MYBPC1: variants seen among roughly 807,000 people sequenced by gnomAD.
MYBPC1 encodes the protein myosin-binding protein C, slow-type.
MYBPC1 carries 52 observed loss-of-function variants against 147.1 expected under a neutral mutation model. That is an observed-to-expected ratio of 0.35 (90% CI 0.28 to 0.45). MYBPC1 has a LOEUF of 0.45. Among genes scored for constraint, MYBPC1 ranks in the 20% least tolerant of loss-of-function variants. MYBPC1 has a pLI of 1.00. For synonymous variants in MYBPC1, 477 were observed against 475.9 expected, an observed-to-expected ratio of 1.00 and a Z score of -0.03; for missense variants, 1,228 against 1,440.3, an observed-to-expected ratio of 0.85 and a Z score of 2.39.
downstream of MYBPC1, among the ~76,000 whole-genome samples, chr12:101,689,582 G>T (rs944240956): frequency 6.6e-6 from 1 of 152,026 alleles, no homozygotes; most frequent in Non-Finnish European, 1.5e-5. Context: ...AAAGAAGAGA[G>T]ACGGAAGGAA....
chr12:101,595,145 A>G (rs1270788916), intron 1 of MYBPC1, 50 bp downstream of exon 1: 1 of 1,477,158 alleles, frequency 6.8e-7, no homozygotes, highest in South Asian at 1.1e-5. Flanking sequence ...TAAAGTGTTT[A>G]TTTTGGTATT....
chr12:101,633,149 G>C (rs995112303), intron 8 of MYBPC1, among the ~76,000 whole-genome samples: 1 of 152,088 alleles, frequency 6.6e-6, no homozygotes, highest in Non-Finnish European at 1.5e-5. Context: ...GTCTTTAGCC[G>C]TGGTCACTAT....
At chr12:101,654,980 A>G (rs1895282103) in intron 18 of MYBPC1, among the ~76,000 whole-genome samples, 1 of 152,258 alleles carries the variant, frequency 6.6e-6, no homozygotes, top group South Asian at 2.1e-4. Context: ...ATACAAAAAT[A>G]TCAAGCACCC....
chr12:101,669,940 G>C (rs10860765), intron 23 of MYBPC1: 1 of 181,660 alleles, frequency 5.5e-6, no homozygotes, highest in African/African-American at 3.6e-5. Flanking sequence ...AAAAAAAAAA[G>C]AAAAAAAAAA....
chr12:101,662,236 A>G (rs894618841), intron 20 of MYBPC1, 122 bp from the exon 21 acceptor site: 111 of 776,898 alleles, frequency 1.4e-4, no homozygotes, highest in Non-Finnish European at 2.1e-4. Context: ...ATTTACATAC[A>G]TATATGACTA....
intron 11 of MYBPC1, among the ~76,000 whole-genome samples, chr12:101,642,824 A>G (rs1207319886): frequency 6.6e-6 from 1 of 152,128 alleles, no homozygotes; most frequent in African/African-American, 2.4e-5. Flanking sequence ...GGTTACTGGG[A>G]ATTTCTCAGC....
rs147483456 is a variant in MYBPC1 at position 101,642,899 on chromosome 12, A to G, written c.832+314A>G. Among the ~76,000 whole-genome samples the G allele has an allele frequency of 3.3e-3, 503 of 152,280 alleles. 2 individuals are homozygous for G. Among genetic ancestry groups the G allele is most frequent in the Non-Finnish European group, 5.0e-3 (339 of 68,022 alleles). ...AAATTATTGATTTTTACTTAAGCAG[A>G]GTGGACTCTTTCACCATCCTTTTCT... On this transcript the variant is annotated intron_variant, in intron 11 of 31. Coordinates refer to ENST00000361466, the MANE Select transcript of MYBPC1 (RefSeq NM_002465.4).
At chr12:101,599,974 C>G (rs375533235) in intron 1 of MYBPC1, among the ~76,000 whole-genome samples, 1 of 152,182 alleles carries the variant, frequency 6.6e-6, no homozygotes, top group Non-Finnish European at 1.5e-5. Context: ...TTTATGACTG[C>G]TCCGACTGCA....
intron 4 of MYBPC1, 96 bp downstream of exon 4, chr12:101,627,006 T>A: frequency 2.5e-6 from 3 of 1,180,556 alleles, no homozygotes; most frequent in Non-Finnish European, 3.8e-6. Flanking sequence ...GCTGAGTCAG[T>A]GCACAGAGCA....
chr12:101,660,981 T>A (rs2136438175), intron 19 of MYBPC1, among the ~76,000 whole-genome samples, 177 bp from the exon 20 acceptor site: 1 of 152,272 alleles, frequency 6.6e-6, no homozygotes, highest in East Asian at 1.9e-4. Flanking sequence ...CAGTTCAAGA[T>A]GAGATTTGGA....
downstream of MYBPC1, among the ~76,000 whole-genome samples, chr12:101,690,292 C>T (rs1951395212): frequency 6.6e-6 from 1 of 152,220 alleles, no homozygotes; most frequent in South Asian, 2.1e-4. Flanking sequence ...AGGCCATGCT[C>T]CAGACTCTCT....
intron 23 of MYBPC1, among the ~76,000 whole-genome samples, chr12:101,668,793 A>G (rs1897987434): frequency 6.6e-6 from 1 of 152,152 alleles, no homozygotes; most frequent in Non-Finnish European, 1.5e-5. Context: ...AAGCATAAAA[A>G]TAATTAATTT....
At chr12:101,620,384 T>C (rs1887104155) in intron 3 of MYBPC1, among the ~76,000 whole-genome samples, 2 of 152,196 alleles carry the variant, frequency 1.3e-5, no homozygotes, top group African/African-American at 4.8e-5. Flanking sequence ...CTAGCACGTA[T>C]TTATTCAGCA....
chr12:101,634,911 T>C (rs1181100988), intron 9 of MYBPC1, among the ~76,000 whole-genome samples: 2 of 152,196 alleles, frequency 1.3e-5, no homozygotes, highest in African/African-American at 4.8e-5. Context: ...AGCATTACTT[T>C]CCACCAAATG....
At chr12:101,686,769 G>A (rs77645232), downstream of MYBPC1, among the ~76,000 whole-genome samples, 3,643 of 152,208 alleles carry the variant, frequency 0.024, 67 homozygotes, top group Non-Finnish European at 0.038. Context: ...TTTTAGCTGG[G>A]AAGTTCTATG....
chr12:101,602,548 T>C (rs1323631397), intron 1 of MYBPC1, among the ~76,000 whole-genome samples: 1 of 152,126 alleles, frequency 6.6e-6, no homozygotes, highest in African/African-American at 2.4e-5. Flanking sequence ...GCCTAACATA[T>C]GGAAAGATTT....
intron 1 of MYBPC1, among the ~76,000 whole-genome samples, chr12:101,599,644 A>G (rs1373116443): frequency 6.6e-6 from 1 of 152,284 alleles, no homozygotes; most frequent in Non-Finnish European, 1.5e-5. Flanking sequence ...CCTTACCTCA[A>G]ATTGGGGAAA....
chr12:101,613,865 T>A (rs1191570530), intron 1 of MYBPC1, among the ~76,000 whole-genome samples: 1 of 152,212 alleles, frequency 6.6e-6, no homozygotes, highest in Non-Finnish European at 1.5e-5. Context: ...TGCACCGTCC[T>A]TGTAAAACAA....
rs57175970 is a variant in MYBPC1, at chr12:101,624,683, A to ATTTTTTTTTTTT, written c.104-2174_104-2163dup. ...AATAATATACAAGCCCGGCTAATTA[A>ATTTTTTTTTTTT]TTTTTTTTTTTTTTTTTTTTTTTTT... On this transcript the variant is annotated intron_variant, in intron 3 of 31. Coordinates refer to ENST00000361466, the MANE Select transcript of MYBPC1 (RefSeq NM_002465.4). Among the ~76,000 whole-genome samples, 458 of 99,066 alleles carry ATTTTTTTTTTTT rather than the reference A, an allele frequency of 4.6e-3. 14 individuals carry two copies. Among genetic ancestry groups the ATTTTTTTTTTTT allele is most frequent in the African/African-American group, 0.011 (265 of 23,994 alleles). 65.0% of individuals were successfully genotyped at this position (99,066 alleles called of 152,430 possible).
Sources: allele counts gnomAD v4.1 joint callset (sites outside exome capture counted in the v4.1 genomes callset), GRCh38; gene constraint gnomAD v4.1.1; transcripts MANE v1.5; gene names NCBI Gene and HGNC (gene_info 2026-07-23, HGNC 2026-07-21).